The following DGKB variants were observed in gnomAD, a reference collection of about 807,000 sequenced individuals.
DGKB encodes the protein diacylglycerol kinase beta, also known as 90 kDa diacylglycerol kinase.
DGKB carries 67 observed loss-of-function variants against 114.3 expected under a neutral mutation model. The ratio of observed to expected loss-of-function variants is 0.59; its 90% CI spans 0.48 to 0.72. The LOEUF (loss-of-function observed/expected upper bound fraction) is 0.72. Among genes scored for constraint, DGKB ranks in the 30% least tolerant of loss-of-function variants. DGKB has a pLI of 0.00. For synonymous variants in DGKB, 398 were observed against 323.1 expected (o/e 1.23, Z -2.49); for missense variants, 907 against 975.2 (o/e 0.93, Z 0.93).
intron 23 of DGKB, among the ~76,000 whole-genome samples, chr7:14,330,317 C>T (rs1179917863): frequency 6.6e-6 from 1 of 151,852 alleles, no homozygotes. Flanking sequence ...TTTCTTGTTT[C>T]CCTACATTCA....
intron 23 of DGKB, among the ~76,000 whole-genome samples, chr7:14,179,326 C>T (rs1033063581): frequency 3.3e-5 from 5 of 152,162 alleles, no homozygotes; most frequent in Non-Finnish European, 7.3e-5. Context: ...AGTCTAGGTG[C>T]ATATATATGG....
At chr7:14,621,617 A>T (rs768273374) in intron 14 of DGKB, 123 bp from the exon 15 acceptor site, 164 of 611,304 alleles carry the variant, frequency 2.7e-4, no homozygotes, top group Non-Finnish European at 3.7e-4. Flanking sequence ...TCTAATTTGA[A>T]GTTCCTAGTG....
chr7:14,646,338 G>C (rs948678704), intron 13 of DGKB, among the ~76,000 whole-genome samples: 3 of 152,030 alleles, frequency 2.0e-5, no homozygotes, highest in African/African-American at 7.2e-5. Context: ...TTATAGAAAA[G>C]TAAATAAACA....
intron 23 of DGKB, among the ~76,000 whole-genome samples, chr7:14,222,064 G>T (rs1790067549): frequency 6.6e-6 from 1 of 150,902 alleles, no homozygotes; most frequent in Admixed American, 6.6e-5. Context: ...TCTAGCTAAA[G>T]GTTTGTTAAT....
At position 14,870,482 on chromosome 7, in the gene DGKB, A is replaced by G. The variant is rs531030009; in HGVS notation, c.-187-29032T>C. On this transcript the variant is annotated intron_variant, in intron 1 of 25. Transcript: ENST00000402815. ...AAAGACTTAAGTACGAACTTTTGTTAACATTATATTTTACTTTAAATTAAC... is the reference window on the plus strand; with the variant it reads ...AAAGACTTAAGTACGAACTTTTGTTGACATTATATTTTACTTTAAATTAAC... Among the ~76,000 whole-genome samples the G allele has an allele frequency of 1.2e-4, 18 of 152,328 alleles. No individual in the cohort carries two copies. The South Asian group carries it at 3.5e-3, about 30-fold the overall frequency.
In DGKB at chr7:14,827,049, C is replaced by G. The variant is rs148445723; in HGVS notation, c.70+14145G>C. Among the ~76,000 whole-genome samples the G allele has an allele frequency of 2.1e-3, 315 of 152,102 alleles. 3 individuals carry two copies. Among genetic ancestry groups the G allele is most frequent in the African/African-American group, 7.4e-3 (305 of 41,496 alleles). ...TTGCCAGTTTTAACATTGTGGGACT[C>G]AGGCAGAATGGAGTCAAAAGACTAA... On this transcript the variant is annotated intron_variant, in intron 2 of 25. Transcript: ENST00000402815.
intron 13 of DGKB, among the ~76,000 whole-genome samples, chr7:14,666,304 T>C (rs1818010397): frequency 6.6e-6 from 1 of 152,008 alleles, no homozygotes; most frequent in Non-Finnish European, 1.5e-5. Flanking sequence ...ATGACATAAT[T>C]GCTGAAGCCC....
chr7:14,368,360 T>C (rs1817049262), intron 21 of DGKB, among the ~76,000 whole-genome samples: 1 of 152,178 alleles, frequency 6.6e-6, no homozygotes, highest in Non-Finnish European at 1.5e-5. Context: ...TTAAAAATCC[T>C]CTGTGTTCCA....
intron 20 of DGKB, among the ~76,000 whole-genome samples, chr7:14,520,746 T>G (rs1789635499): frequency 6.6e-6 from 1 of 152,066 alleles, no homozygotes; most frequent in African/African-American, 2.4e-5. Flanking sequence ...CAGTAAATGG[T>G]TTCTAATAGA....
At chr7:14,560,483 T>C (rs1256113263) in intron 20 of DGKB, among the ~76,000 whole-genome samples, 1 of 152,212 alleles carries the variant, frequency 6.6e-6, no homozygotes, top group African/African-American at 2.4e-5. Context: ...GGTGGGTTTA[T>C]TTCATCTAGG....
intron 2 of DGKB, among the ~76,000 whole-genome samples, chr7:14,831,266 TACCTTCTGG>T (rs1846374461): frequency 6.6e-6 from 1 of 152,006 alleles, no homozygotes; most frequent in South Asian, 2.1e-4. Context: ...GTATTTTGAT[TACCTTCTGG>T]ACACTGATAA....
intron 2 of DGKB, among the ~76,000 whole-genome samples, chr7:14,784,126 T>C (rs956863742): frequency 2.0e-5 from 3 of 152,124 alleles, no homozygotes; most frequent in Admixed American, 1.3e-4. Flanking sequence ...GAAGTAAATA[T>C]AATTAGATTA....
chr7:14,922,409 T>A (rs1280742703), intron 1 of DGKB, among the ~76,000 whole-genome samples: 1 of 151,774 alleles, frequency 6.6e-6, no homozygotes, highest in Non-Finnish European at 1.5e-5. Context: ...TGTGTGTGTG[T>A]GTGTGTATCA....
At chr7:14,454,874 C>T (rs953055379) in intron 21 of DGKB, among the ~76,000 whole-genome samples, 1 of 152,012 alleles carries the variant, frequency 6.6e-6, no homozygotes. Context: ...AATAGTATAA[C>T]AATCCTGAGA....
intron 2 of DGKB, among the ~76,000 whole-genome samples, chr7:14,837,621 G>A (rs1183049683): frequency 6.6e-6 from 1 of 152,038 alleles, no homozygotes; most frequent in African/African-American, 2.4e-5. Context: ...ACTCAAGAAA[G>A]TGAATGCATT....
At chr7:14,850,356 G>C (rs1053691889) in intron 1 of DGKB, among the ~76,000 whole-genome samples, 1 of 152,000 alleles carries the variant, frequency 6.6e-6, no homozygotes, top group African/African-American at 2.4e-5. Flanking sequence ...TTTTCTTGTA[G>C]AAATTACTGG....
intron 20 of DGKB, among the ~76,000 whole-genome samples, chr7:14,541,067 G>A (rs1793354013): frequency 6.6e-6 from 1 of 151,814 alleles, no homozygotes; most frequent in African/African-American, 2.4e-5. Flanking sequence ...GCAGGTAGTT[G>A]ACACCTTGAG....
rs530621770 is a variant in DGKB at position 14,934,676 on chromosome 7, A to G, written c.-188+40020T>C. 9.2e-5 allele frequency among the ~76,000 whole-genome samples: 14 copies of G among 152,286 alleles called. No homozygotes were observed. In the South Asian group the frequency reaches 2.9e-3, roughly 32 times the overall value. On this transcript the variant is annotated intron_variant, in intron 1 of 4. Coordinates refer to the DGKB transcript ENST00000437998. ...CTAAAATAATATTCTACCTGACACAATAAAATTTATCATGTAAAATTAAAA... is the reference window on the plus strand; with the variant it reads ...CTAAAATAATATTCTACCTGACACAGTAAAATTTATCATGTAAAATTAAAA...
chr7:14,904,076 G>A (rs574458793), upstream of DGKB, among the ~76,000 whole-genome samples: 4 of 151,844 alleles, frequency 2.6e-5, no homozygotes, highest in Non-Finnish European at 2.9e-5. Context: ...TATGACATTC[G>A]GCAGAACTTA....
Sources: gnomAD v4.1 joint callset for allele counts (sites outside exome capture counted in the v4.1 genomes callset) on GRCh38, gnomAD v4.1.1 for gene constraint, MANE v1.5 for transcripts, NCBI Gene and HGNC (gene_info 2026-07-23, HGNC 2026-07-21) for gene names.